The following MAPK8 variants were observed in gnomAD, a reference collection of about 807,000 sequenced individuals.
MAPK8 encodes mitogen-activated protein kinase 8.
Under a neutral mutation model 52.9 loss-of-function variants are expected in MAPK8, and 13 were observed. That is an observed-to-expected ratio of 0.25 (90% confidence interval 0.16 to 0.39). The LOEUF (loss-of-function observed/expected upper bound fraction) is 0.39. Among genes scored for constraint, MAPK8 ranks in the 10% least tolerant of loss-of-function variants. The pLI is 1.00. For missense variants in MAPK8, 300 were observed against 519.2 expected, an observed-to-expected ratio of 0.58 and a Z score of 4.10; for synonymous variants, 191 against 169.8, an observed-to-expected ratio of 1.12 and a Z score of -0.97.
chr10:48,357,649 C>T (rs987823758), intron 1 of MAPK8, among the ~76,000 whole-genome samples: 1 of 152,286 alleles, frequency 6.6e-6, no homozygotes, highest in East Asian at 1.9e-4. Context: ...GCATCCACCT[C>T]GGCCTTCCAA....
At chr10:48,354,774 TA>T (rs1210337011) in intron 1 of MAPK8, among the ~76,000 whole-genome samples, 1 of 151,800 alleles carries the variant, frequency 6.6e-6, no homozygotes, top group Non-Finnish European at 1.5e-5. Context: ...AGTGCGAATT[TA>T]ACGCTGTGTA....
chr10:48,415,146 A>G (rs1286184160), intron 5 of MAPK8, among the ~76,000 whole-genome samples: 1 of 152,184 alleles, frequency 6.6e-6, no homozygotes, highest in Non-Finnish European at 1.5e-5. Context: ...TTTAAATAAC[A>G]TAATAAAAAT....
chr10:48,348,976 G>T (rs1053475631), intron 1 of MAPK8, among the ~76,000 whole-genome samples: 20 of 148,588 alleles, frequency 1.3e-4, no homozygotes, highest in Non-Finnish European at 2.8e-4. Flanking sequence ...CAGGGGTTGC[G>T]ATTCTAGTCT....
At chr10:48,409,158 A>G (rs2042617258) in intron 3 of MAPK8, among the ~76,000 whole-genome samples, 1 of 152,110 alleles carries the variant, frequency 6.6e-6, no homozygotes, top group South Asian at 2.1e-4. Flanking sequence ...AACAGTCTAG[A>G]TGTTAGTCTT....
At chr10:48,401,494 C>A in intron 1 of MAPK8, 118 bp from the exon 2 acceptor site, 1 of 560,956 alleles carries the variant, frequency 1.8e-6, no homozygotes, top group Non-Finnish European at 3.1e-6. Context: ...TTTAATGAAG[C>A]AGCTCTTTTC....
chr10:48,315,573 A>AT (rs1216880064), intron 1 of MAPK8, among the ~76,000 whole-genome samples: 5 of 146,050 alleles, frequency 3.4e-5, no homozygotes, highest in African/African-American at 5.0e-5. Context: ...AAACATTAAA[A>AT]TTTTTTTTTG....
At chr10:48,404,688 T>A (rs1340701322) in intron 2 of MAPK8, among the ~76,000 whole-genome samples, 164 bp from the exon 3 acceptor site, 1 of 152,156 alleles carries the variant, frequency 6.6e-6, no homozygotes, top group African/African-American at 2.4e-5. Context: ...AAAAAATATA[T>A]GTTGTAATAG....
In MAPK8 at chr10:48,337,729, G is replaced by T. The variant is rs367627542; in HGVS notation, c.-50+30908G>T. Among the ~76,000 whole-genome samples the T allele has an allele frequency of 2.4e-3, 365 of 152,204 alleles. 1 individual carries two copies. The highest frequency in any genetic ancestry group is 8.3e-3 in the African/African-American group (345 of 41,538). On this transcript the variant is annotated intron_variant, in intron 1 of 11. Coordinates refer to ENST00000374189, the MANE Select transcript of MAPK8 (RefSeq NM_001323329.2). ...GCCAGCTAGATGAACCAAGAAAAGA[G>T]AGAAGATTCAAATAAGCACAAAAAT...
rs1305536837 is a variant in MAPK8, at chr10:48,352,312, C to CA, written c.-50+45502dup. On this transcript the variant is annotated intron_variant, in intron 1 of 11. Transcript: ENST00000374189. ...TTGCTACCAAAAGCAAAGACAATACCAAAAAAAAAAACCTACCAATAAAGA... is the reference window on the plus strand; with the variant it reads ...TTGCTACCAAAAGCAAAGACAATACCAAAAAAAAAAAACCTACCAATAAAGA... Among the ~76,000 whole-genome samples, 737 of 135,946 alleles carry CA rather than the reference C, an allele frequency of 5.4e-3. 2 individuals carry two copies. Among genetic ancestry groups the CA allele is most frequent in the African/African-American group, 0.016 (586 of 37,214 alleles). 89.2% of individuals were successfully genotyped at this position (135,946 alleles called of 152,430 possible). A position where few individuals can be genotyped will look rare whatever the true frequency, so the allele number is the denominator to read the frequency against.
chr10:48,397,251 T>G (rs1335226563), intron 1 of MAPK8, among the ~76,000 whole-genome samples: 1 of 151,650 alleles, frequency 6.6e-6, no homozygotes, highest in Non-Finnish European at 1.5e-5. Flanking sequence ...TGGGCTGAAG[T>G]GATCCTTCTG....
chr10:48,405,994 T>A (rs141596680), intron 3 of MAPK8, among the ~76,000 whole-genome samples: 33 of 152,228 alleles, frequency 2.2e-4, no homozygotes, highest in Middle Eastern at 3.4e-3. Flanking sequence ...ATATCAAACA[T>A]CACAAAGCAG....
At chr10:48,434,275 G>A (rs966318476) in intron 11 of MAPK8, among the ~76,000 whole-genome samples, 1 of 152,218 alleles carries the variant, frequency 6.6e-6, no homozygotes, top group African/African-American at 2.4e-5. Flanking sequence ...AGTGACAGTG[G>A]CATGTCCCAT....
At chr10:48,379,042 C>T (rs2040836653) in intron 1 of MAPK8, among the ~76,000 whole-genome samples, 1 of 152,206 alleles carries the variant, frequency 6.6e-6, no homozygotes, top group African/African-American at 2.4e-5. Context: ...AGTGATTGGT[C>T]ATATAGACTA....
intron 1 of MAPK8, among the ~76,000 whole-genome samples, chr10:48,365,155 T>A (rs1172059785): frequency 6.6e-6 from 1 of 152,204 alleles, no homozygotes; most frequent in African/African-American, 2.4e-5. Context: ...CTTTATTGTT[T>A]AAGAGTCCTT....
At chr10:48,369,643 A>C (rs1055906929) in intron 1 of MAPK8, among the ~76,000 whole-genome samples, 1 of 152,118 alleles carries the variant, frequency 6.6e-6, no homozygotes. Context: ...TAACAAGACA[A>C]GAGGGCCAAG....
At chr10:48,312,912 G>C (rs72792268) in intron 1 of MAPK8, among the ~76,000 whole-genome samples, 1 of 152,136 alleles carries the variant, frequency 6.6e-6, no homozygotes, top group East Asian at 1.9e-4. Context: ...TAGCCACCTA[G>C]TTCTTCTGCC....
At chr10:48,309,722 A>G (rs1443645716) in intron 1 of MAPK8, among the ~76,000 whole-genome samples, 1 of 152,176 alleles carries the variant, frequency 6.6e-6, no homozygotes, top group African/African-American at 2.4e-5. Context: ...CTGCTTTGCC[A>G]GCGGGTTGAA....
intron 2 of MAPK8, among the ~76,000 whole-genome samples, chr10:48,404,588 T>A (rs1421806030): frequency 2.0e-5 from 3 of 152,176 alleles, no homozygotes; most frequent in Non-Finnish European, 4.4e-5. Context: ...ACTAGGTGGA[T>A]CTTTGAGGCA....
intron 1 of MAPK8, among the ~76,000 whole-genome samples, chr10:48,383,120 A>G (rs923683808): frequency 2.6e-5 from 4 of 151,994 alleles, no homozygotes; most frequent in Admixed American, 2.6e-4. Context: ...AACCAAGGGT[A>G]CCTTTCCAAG....
Sources: allele counts gnomAD v4.1 joint callset (sites outside exome capture counted in the v4.1 genomes callset), GRCh38; gene constraint gnomAD v4.1.1; transcripts MANE v1.5; gene names NCBI Gene and HGNC (gene_info 2026-07-23, HGNC 2026-07-21).